The following CSMD1 variants were observed in gnomAD, a reference collection of about 807,000 sequenced individuals.
The protein encoded by CSMD1 is CUB and sushi domain-containing protein 1.
CSMD1 carries 213 observed loss-of-function variants against 417.5 expected under a neutral mutation model. The observed-to-expected ratio is 0.51, with a 90% CI of 0.46 to 0.57. The LOEUF (loss-of-function observed/expected upper bound fraction) is 0.57, where lower values mean the gene tolerates loss of function less well. Ranked by LOEUF, CSMD1 falls within the 20% of genes least tolerant of loss-of-function variation. The probability of loss-of-function intolerance (pLI) is 0.00; values close to 1 mark genes in which losing one functional copy is unlikely to be tolerated. For missense variants in CSMD1, 6,923 were observed against 4,529.7 expected, an observed-to-expected ratio of 1.53 and a Z score of -15.17; for synonymous variants, 2,862 against 1,736.8, an observed-to-expected ratio of 1.65 and a Z score of -16.11.
intron 3 of CSMD1, among the ~76,000 whole-genome samples, chr8:4,414,243 A>C (rs764876086): frequency 1.6e-4 from 25 of 152,170 alleles, no homozygotes; most frequent in Non-Finnish European, 3.4e-4. Flanking sequence ...GATGTGTCAG[A>C]GGGAAATGCC....
intron 1 of CSMD1, among the ~76,000 whole-genome samples, chr8:4,790,993 A>G (rs1797653945): frequency 6.6e-6 from 1 of 152,200 alleles, no homozygotes; most frequent in South Asian, 2.1e-4. Flanking sequence ...GGACCTAATT[A>G]GACTAAAAAG....
chr8:2,951,128 T>G lies in CSMD1; in HGVS notation c.10187A>C (p.Glu3396Ala), dbSNP rs1802598027. Residue 3396 changes from glutamate (E) to alanine (A), a missense_variant, in exon 66 of 70, where the codon GAG (glutamate) becomes GCG (alanine). Coordinates refer to ENST00000635120, the MANE Select transcript of CSMD1 (RefSeq NM_033225.6). ...TCGGGACCTACCTGTCAACTTCAGC[T>G]CCACTGGCGAGGCTTCGCTGAAGGT... ...NATFSEASPV[E>A]LKLTGIYKKE... 7.4e-6 allele frequency: 12 copies of G among 1,613,066 alleles called. No homozygotes were observed. The East Asian group carries it at 2.7e-4, about 36-fold the overall frequency.
At chr8:4,368,411 G>A (rs1802214242) in intron 3 of CSMD1, among the ~76,000 whole-genome samples, 1 of 152,062 alleles carries the variant, frequency 6.6e-6, no homozygotes, top group Non-Finnish European at 1.5e-5. Flanking sequence ...CGTTCATCAG[G>A]AATATTTGCC....
At position 4,927,278 on chromosome 8, in the gene CSMD1, G is replaced by C. The variant is rs187135829; in HGVS notation, c.85+67054C>G. 4.8e-4 allele frequency among the ~76,000 whole-genome samples: 73 copies of C among 151,778 alleles called. 1 individual carries two copies. Among genetic ancestry groups the C allele is most frequent in the South Asian group, 4.6e-3 (22 of 4,796 alleles). On this transcript the variant is annotated intron_variant, in intron 1 of 69. Transcript: ENST00000635120. ...TCACCATCTTGGCTAGGCTGGTCTC[G>C]AACTCCCGTCCTCAAGCGATCTGCC...
chr8:3,139,361 T>A (rs926130380), intron 41 of CSMD1, among the ~76,000 whole-genome samples: 2 of 152,072 alleles, frequency 1.3e-5, no homozygotes, highest in Non-Finnish European at 2.9e-5. Context: ...AAATAACAAC[T>A]TAGCCAGAGA....
At chr8:3,056,231 A>G (rs1018160011) in intron 49 of CSMD1, among the ~76,000 whole-genome samples, 1 of 152,258 alleles carries the variant, frequency 6.6e-6, no homozygotes, top group Admixed American at 6.5e-5. Context: ...TGATTTCAAA[A>G]AAGTAAGTAG....
intron 6 of CSMD1, among the ~76,000 whole-genome samples, chr8:3,713,015 G>C (rs545355515): frequency 7.2e-5 from 11 of 152,172 alleles, no homozygotes; most frequent in Admixed American, 2.0e-4. Flanking sequence ...CGCAAACCAA[G>C]AAGTATGTGA....
At chr8:4,443,837 C>A (rs1040667340) in intron 2 of CSMD1, among the ~76,000 whole-genome samples, 1 of 152,104 alleles carries the variant, frequency 6.6e-6, no homozygotes, top group East Asian at 1.9e-4. Flanking sequence ...GTGTTAGTAA[C>A]GAACTTCTGG....
At chr8:4,077,574 T>A (rs531104304) in intron 3 of CSMD1, among the ~76,000 whole-genome samples, 124 of 152,170 alleles carry the variant, frequency 8.1e-4, no homozygotes, top group African/African-American at 2.8e-3. Flanking sequence ...ACCACTGCTA[T>A]GCCTATCAAA....
chr8:3,824,500 T>C (rs145520549), intron 5 of CSMD1, among the ~76,000 whole-genome samples: 1 of 152,252 alleles, frequency 6.6e-6, no homozygotes, highest in Non-Finnish European at 1.5e-5. Flanking sequence ...CCACTAGCCA[T>C]AAGCAGCCAC....
Position 3,118,571 on chromosome 8 carries a change from G to A in CSMD1, c.6258C>T (p.Asn2086=), listed in dbSNP as rs1453390480. Reference sequence around the variant, plus strand: ...TCTGAAATGGGGGTGGATCTGGACAGTTCTGTAATTCATAGGCTGAAAGAA... The same window carrying A: ...TCTGAAATGGGGGTGGATCTGGACAATTCTGTAATTCATAGGCTGAAAGAA... ...KLAYQAYELQ[N]CPDPPPFQNG... is the part of the protein sequence containing the mutation. Residue 2086 remains asparagine, a synonymous_variant, in exon 42 of 70, where the codon AAC becomes AAT. Coordinates refer to ENST00000635120, the MANE Select transcript of CSMD1 (RefSeq NM_033225.6). 1.2e-6 allele frequency: 2 copies of A among 1,611,712 alleles called. No individual in the cohort carries two copies. Among genetic ancestry groups the A allele is most frequent in the African/African-American group, 2.7e-5 (2 of 74,818 alleles).
At chr8:3,908,110 T>C (rs995466077) in intron 5 of CSMD1, among the ~76,000 whole-genome samples, 6 of 152,206 alleles carry the variant, frequency 3.9e-5, no homozygotes, top group Non-Finnish European at 1.5e-5. Context: ...TGAGGCTTTA[T>C]GGAGCCCCTC....
At chr8:3,743,001 G>C (rs561405844) in intron 6 of CSMD1, among the ~76,000 whole-genome samples, 1 of 152,164 alleles carries the variant, frequency 6.6e-6, no homozygotes, top group Non-Finnish European at 1.5e-5. Context: ...TAAAATCCAC[G>C]CCACCCTTGG....
chr8:4,805,746 C>A (rs1045898470), intron 1 of CSMD1, among the ~76,000 whole-genome samples: 3 of 152,188 alleles, frequency 2.0e-5, no homozygotes, highest in South Asian at 4.1e-4. Flanking sequence ...ATTCCAGACC[C>A]TGTCATATTC....
At chr8:4,339,050 C>G (rs753681979) in intron 3 of CSMD1, among the ~76,000 whole-genome samples, 18 of 152,044 alleles carry the variant, frequency 1.2e-4, no homozygotes, top group Non-Finnish European at 2.4e-4. Context: ...CTCAAATCTA[C>G]CGGGAACTAT....
At chr8:4,535,060 C>A (rs1228635607) in intron 2 of CSMD1, among the ~76,000 whole-genome samples, 1 of 152,154 alleles carries the variant, frequency 6.6e-6, no homozygotes, top group Non-Finnish European at 1.5e-5. Context: ...CACGCCTGGC[C>A]AATTTATTTC....
chr8:3,533,776 C>G (rs781743088), intron 10 of CSMD1, among the ~76,000 whole-genome samples: 1 of 152,164 alleles, frequency 6.6e-6, no homozygotes, highest in Non-Finnish European at 1.5e-5. Context: ...TTTCCTTACT[C>G]TTGTAACTAT....
intron 5 of CSMD1, among the ~76,000 whole-genome samples, chr8:3,812,302 G>A (rs1006458808): frequency 1.3e-5 from 2 of 152,120 alleles, no homozygotes; most frequent in African/African-American, 4.8e-5. Context: ...ATCTCACAGG[G>A]TCCTTTTCTG....
intron 5 of CSMD1, among the ~76,000 whole-genome samples, chr8:3,992,859 G>C (rs575911984): frequency 6.6e-6 from 1 of 152,358 alleles, no homozygotes; most frequent in East Asian, 1.9e-4. Context: ...TTGCTGCGTG[G>C]TCTCCTCCAT....
Sources: allele counts gnomAD v4.1 joint callset (sites outside exome capture counted in the v4.1 genomes callset), GRCh38; gene constraint gnomAD v4.1.1; transcripts MANE v1.5; gene names NCBI Gene and HGNC (gene_info 2026-07-23, HGNC 2026-07-21).